The following RALGAPA1 variants were observed in gnomAD, a reference collection of about 807,000 sequenced individuals.
RALGAPA1 encodes Ral GTPase activating protein catalytic subunit alpha 1.
In RALGAPA1, 52 loss-of-function variants were observed where a neutral mutation model predicts 269.6. That is an observed-to-expected ratio of 0.19 (90% CI 0.15 to 0.24). The LOEUF is 0.24. RALGAPA1 is among the 10% of genes least tolerant of loss of function. The probability of loss-of-function intolerance (pLI) is 1.00; values close to 1 mark genes in which losing one functional copy is unlikely to be tolerated. For missense variants in RALGAPA1, 1,917 were observed against 3,013.9 expected (o/e 0.64, Z 8.52); for synonymous variants, 817 against 1,008.3 (o/e 0.81, Z 3.60).
chr14:35,745,858 G>A lies in RALGAPA1; in HGVS notation c.1251+2727C>T, dbSNP rs188617541. 1.5e-4 allele frequency among the ~76,000 whole-genome samples: 22 copies of A among 151,638 alleles called. No individual in the cohort carries two copies. In the East Asian group the frequency reaches 4.3e-3, roughly 29 times the overall value. ...CCAGCACGCTGGGAGGCCGACGAGA[G>A]AGGATGGCTTTAGGCAAGGACTTAG... On this transcript the variant is annotated intron_variant, in intron 10 of 41. Transcript: ENST00000680220.
chr14:35,744,043 G>A (rs2071812809), intron 10 of RALGAPA1, among the ~76,000 whole-genome samples: 2 of 152,092 alleles, frequency 1.3e-5, no homozygotes, highest in South Asian at 2.1e-4. Flanking sequence ...GTGTTTATGG[G>A]TTAATATTTT....
chr14:35,632,123 T>C (rs1405762104), intron 33 of RALGAPA1, among the ~76,000 whole-genome samples: 1 of 152,176 alleles, frequency 6.6e-6, no homozygotes, highest in African/African-American at 2.4e-5. Flanking sequence ...TGTCTGTATA[T>C]AAAAGGATAA....
chr14:35,659,825 A>G (rs1161891744), intron 27 of RALGAPA1, among the ~76,000 whole-genome samples: 2 of 152,142 alleles, frequency 1.3e-5, no homozygotes, highest in African/African-American at 4.8e-5. Flanking sequence ...GGTTCAACAT[A>G]TAGAAAGCAA....
intron 13 of RALGAPA1, among the ~76,000 whole-genome samples, chr14:35,726,702 A>C (rs1161283113): frequency 2.0e-5 from 3 of 152,246 alleles, no homozygotes; most frequent in Non-Finnish European, 2.9e-5. Context: ...AATTAAGAAA[A>C]AAATTCTAAA....
intron 35 of RALGAPA1, among the ~76,000 whole-genome samples, chr14:35,610,430 C>G (rs1372544406): frequency 6.6e-6 from 1 of 151,938 alleles, no homozygotes; most frequent in Non-Finnish European, 1.5e-5. Context: ...CTACAGGTGC[C>G]CACCACCACG....
chr14:35,664,510 T>C, intron 27 of RALGAPA1, 132 bp downstream of exon 27: 1 of 717,586 alleles, frequency 1.4e-6, no homozygotes, highest in Non-Finnish European at 2.2e-6. Context: ...CCTTTGTGTC[T>C]GGAGGATATG....
chr14:35,605,301 C>T (rs1594781218), intron 36 of RALGAPA1, among the ~76,000 whole-genome samples: 2 of 152,226 alleles, frequency 1.3e-5, no homozygotes, highest in East Asian at 3.9e-4. Context: ...AGTTTGAAGA[C>T]CACCAGTCCA....
At chr14:35,589,437 G>T (rs1021077941) in intron 37 of RALGAPA1, among the ~76,000 whole-genome samples, 2 of 152,018 alleles carry the variant, frequency 1.3e-5, no homozygotes, top group Non-Finnish European at 2.9e-5. Flanking sequence ...GGTATGTGAG[G>T]TAATGCATAT....
At chr14:35,713,963 C>T (rs1262837291) in intron 16 of RALGAPA1, among the ~76,000 whole-genome samples, 1 of 151,904 alleles carries the variant, frequency 6.6e-6, no homozygotes, top group Non-Finnish European at 1.5e-5. Flanking sequence ...GGCGTGGTGG[C>T]AGGCGCCTGT....
At chr14:35,640,895 T>G (rs1251955169) in intron 31 of RALGAPA1, among the ~76,000 whole-genome samples, 1 of 152,120 alleles carries the variant, frequency 6.6e-6, no homozygotes, top group East Asian at 1.9e-4. Context: ...CCAAGGGAGA[T>G]TTATCCCAGG....
At chr14:35,734,249 C>T (rs749684243) in intron 12 of RALGAPA1, among the ~76,000 whole-genome samples, 8 of 152,070 alleles carry the variant, frequency 5.3e-5, no homozygotes, top group Non-Finnish European at 1.0e-4. Flanking sequence ...ATAGCCAAAG[C>T]AAGACTAAGC....
At chr14:35,604,173 T>C (rs1244471614) in intron 36 of RALGAPA1, among the ~76,000 whole-genome samples, 2 of 152,162 alleles carry the variant, frequency 1.3e-5, no homozygotes, top group South Asian at 2.1e-4. Flanking sequence ...AGTAAAAACA[T>C]ACTGATCTAA....
chr14:35,720,371 TA>T (rs2069281305), intron 16 of RALGAPA1, among the ~76,000 whole-genome samples: 1 of 152,218 alleles, frequency 6.6e-6, no homozygotes, highest in South Asian at 2.1e-4. Context: ...ATTTTCTTTC[TA>T]GTTGTTTCTT....
chr14:35,653,646 A>AT (rs915623591), intron 30 of RALGAPA1, among the ~76,000 whole-genome samples: 167 of 146,718 alleles, frequency 1.1e-3, no homozygotes, highest in Middle Eastern at 0.011. Flanking sequence ...AAAATCAGAG[A>AT]TTTTTTTTTT....
chr14:35,570,959 A>G (rs2057139808), intron 38 of RALGAPA1, among the ~76,000 whole-genome samples: 1 of 152,220 alleles, frequency 6.6e-6, no homozygotes, highest in Admixed American at 6.5e-5. Flanking sequence ...ATTCAAAAGA[A>G]CTATGTGCTT....
At position 35,660,001 on chromosome 14, in the gene RALGAPA1, A is replaced by G. The variant is rs536389016; in HGVS notation, c.5329-805T>C. Among the ~76,000 whole-genome samples the G allele has an allele frequency of 3.7e-4, 56 of 152,226 alleles. No individual in the cohort carries two copies. The South Asian group carries it at 0.011, about 30-fold the overall frequency. ...GACATCCTTTCATGATAAAAACTCA[A>G]CAAATGAGGTTGTAACTCAACAAAT... On this transcript the variant is annotated intron_variant, in intron 27 of 41. Transcript: ENST00000680220.
chr14:35,551,563 G>A (rs925163942), intron 39 of RALGAPA1, among the ~76,000 whole-genome samples: 1 of 151,968 alleles, frequency 6.6e-6, no homozygotes, highest in Admixed American at 6.6e-5. Context: ...TACTTTCAGA[G>A]GGCCTATAAA....
At chr14:35,711,502 C>A (rs897465675) in intron 16 of RALGAPA1, among the ~76,000 whole-genome samples, 1 of 152,184 alleles carries the variant, frequency 6.6e-6, no homozygotes, top group Non-Finnish European at 1.5e-5. Context: ...AGTGGGAGTG[C>A]GGTGGCATAA....
intron 33 of RALGAPA1, among the ~76,000 whole-genome samples, chr14:35,629,299 G>GTT (rs1286552918): frequency 6.6e-6 from 1 of 151,740 alleles, no homozygotes; most frequent in Admixed American, 6.6e-5. Context: ...GTGTGTGTGT[G>GTT]TGTGTGTGTG....
Sources: gnomAD v4.1 joint callset for allele counts (sites outside exome capture counted in the v4.1 genomes callset) on GRCh38, gnomAD v4.1.1 for gene constraint, MANE v1.5 for transcripts, NCBI Gene and HGNC (gene_info 2026-07-23, HGNC 2026-07-21) for gene names.